The following RNFT2 variants were observed in gnomAD, a reference collection of about 807,000 sequenced individuals.
The protein encoded by RNFT2 is E3 ubiquitin-protein ligase RNFT2.
Under a neutral mutation model 53.0 loss-of-function variants are expected in RNFT2, and 36 were observed. The observed-to-expected ratio is 0.68, with a 90% CI of 0.52 to 0.90. RNFT2 has a LOEUF of 0.90. Ranked by LOEUF, RNFT2 falls within the 40% of genes least tolerant of loss-of-function variation. The pLI, the probability that RNFT2 is intolerant of heterozygous loss-of-function variation, is 0.00. For synonymous variants in RNFT2, 260 were observed against 253.2 expected (o/e 1.03, Z -0.26); for missense variants, 514 against 585.6 (o/e 0.88, Z 1.26).
intron 6 of RNFT2, among the ~76,000 whole-genome samples, chr12:116,776,448 A>T (rs1000856281): frequency 1.1e-4 from 17 of 152,184 alleles, no homozygotes; most frequent in Non-Finnish European, 2.5e-4. Context: ...AGAGCTAAAG[A>T]CGGGAGCTCA....
chr12:116,779,823 C>T (rs1484736062), intron 7 of RNFT2, among the ~76,000 whole-genome samples: 1 of 152,070 alleles, frequency 6.6e-6, no homozygotes, highest in Non-Finnish European at 1.5e-5. Flanking sequence ...GGAGTGAGGG[C>T]AATGATGCTT....
Position 116,778,028 on chromosome 12 carries a change from C to T in RNFT2, c.729-1167C>T, listed in dbSNP as rs921671567. ...TGAGCAAAGAGCTTAGCACAGTTCC[C>T]GGCACATCAGCTTCCCCCGCTCCTT... On this transcript the variant is annotated intron_variant, in intron 6 of 10. Transcript: ENST00000257575. Among the ~76,000 whole-genome samples the T allele has an allele frequency of 5.9e-5, 9 of 152,166 alleles. No homozygotes were observed. The South Asian group carries it at 6.2e-4, about 11-fold the overall frequency.
chr12:116,839,099 G>A (rs1337288401), intron 10 of RNFT2, among the ~76,000 whole-genome samples: 2 of 152,312 alleles, frequency 1.3e-5, no homozygotes, highest in Admixed American at 6.5e-5. Flanking sequence ...GACTAGTCAC[G>A]TCCCTGGCTA....
intron 3 of RNFT2, among the ~76,000 whole-genome samples, chr12:116,743,819 C>T (rs1290661248): frequency 1.3e-5 from 2 of 152,224 alleles, no homozygotes; most frequent in Non-Finnish European, 2.9e-5. Context: ...GGGAAGAACA[C>T]GGGGCTCAGC....
intron 7 of RNFT2, among the ~76,000 whole-genome samples, chr12:116,816,120 C>T (rs909170224): frequency 5.3e-5 from 8 of 152,164 alleles, no homozygotes; most frequent in Admixed American, 2.6e-4. Flanking sequence ...GGGAAGAGAA[C>T]GCCTTTTCGT....
At chr12:116,763,523 C>T (rs981205612) in intron 5 of RNFT2, among the ~76,000 whole-genome samples, 6 of 151,872 alleles carry the variant, frequency 4.0e-5, no homozygotes, top group Non-Finnish European at 7.4e-5. Flanking sequence ...AATCCCAGCA[C>T]TTTGGGAGGC....
chr12:116,740,758 C>T, intron 2 of RNFT2: 1 of 628,114 alleles, frequency 1.6e-6, no homozygotes, highest in Non-Finnish European at 2.9e-6. Context: ...CTCTTGGCTG[C>T]ACAGTTTACC....
chr12:116,777,928 T>C (rs1046205696), intron 6 of RNFT2, among the ~76,000 whole-genome samples: 1 of 152,148 alleles, frequency 6.6e-6, no homozygotes, highest in African/African-American at 2.4e-5. Flanking sequence ...TCTCCAAGCC[T>C]CAGTGCCTTA....
chr12:116,787,946 A>T (rs1296098859), intron 7 of RNFT2, among the ~76,000 whole-genome samples: 1 of 151,946 alleles, frequency 6.6e-6, no homozygotes, highest in East Asian at 1.9e-4. Flanking sequence ...GTTTGTTTTG[A>T]GATGGAGTGT....
At chr12:116,846,769 T>C (rs1438222678) in intron 10 of RNFT2, among the ~76,000 whole-genome samples, 1 of 151,382 alleles carries the variant, frequency 6.6e-6, no homozygotes, top group East Asian at 1.9e-4. Flanking sequence ...TTGACATCAA[T>C]TTTTTTTTCC....
At chr12:116,840,169 T>C (rs912163005) in intron 10 of RNFT2, among the ~76,000 whole-genome samples, 3 of 152,238 alleles carry the variant, frequency 2.0e-5, no homozygotes, top group Non-Finnish European at 4.4e-5. Flanking sequence ...GTTTTTTGCA[T>C]GTTTTATGAT....
At chr12:116,765,916 G>A (rs78026573) in intron 5 of RNFT2, among the ~76,000 whole-genome samples, 1 of 152,104 alleles carries the variant, frequency 6.6e-6, no homozygotes, top group Non-Finnish European at 1.5e-5. Flanking sequence ...CTTCTGCTGG[G>A]TTGTAAACTC....
At chr12:116,780,300 A>G (rs903098393) in intron 7 of RNFT2, among the ~76,000 whole-genome samples, 3 of 152,190 alleles carry the variant, frequency 2.0e-5, no homozygotes, top group African/African-American at 4.8e-5. Flanking sequence ...TCCACAGATC[A>G]GGGTGGGGAT....
intron 7 of RNFT2, among the ~76,000 whole-genome samples, chr12:116,798,203 G>A (rs1367655631): frequency 6.7e-6 from 1 of 149,668 alleles, no homozygotes; most frequent in Admixed American, 6.6e-5. Context: ...AGAGGCCTGG[G>A]AAACAGAACG....
At chr12:116,753,148 C>CTTTTTTTTTTTTTTTTTTTTTTT (rs11377177) in intron 4 of RNFT2, among the ~76,000 whole-genome samples, 3 of 93,700 alleles carry the variant, frequency 3.2e-5, no homozygotes, top group African/African-American at 4.4e-5. Flanking sequence ...TTTTCTTTTT[C>CTTTTTTTTTTTTTTTTTTTTTTT]TTTTTTTTTT....
chr12:116,852,863 G>C lies in RNFT2; in HGVS notation c.*3415G>C, dbSNP rs1034500161. 1 of 704,974 alleles carries C rather than the reference G, an allele frequency of 1.4e-6. No individual in the cohort carries two copies. Among genetic ancestry groups the C allele is most frequent in the African/African-American group, 1.8e-5 (1 of 56,010 alleles). The allele number at this position is 704,974 out of a possible 1,614,324, so 43.7% of individuals were successfully genotyped here. A position where few individuals can be genotyped will look rare whatever the true frequency, so the allele number is the denominator to read the frequency against. ...TGGAACCAAGGAAACTAACAATGTA[G>C]GTTACTAGTGAATACCCCAATGGTT... On this transcript the variant is annotated 3_prime_UTR_variant, in exon 11 of 11. Transcript: ENST00000257575.
chr12:116,826,718 C>T (rs1447754674), intron 7 of RNFT2, among the ~76,000 whole-genome samples: 1 of 152,122 alleles, frequency 6.6e-6, no homozygotes, highest in Non-Finnish European at 1.5e-5. Context: ...CAACTCTCCT[C>T]CATCAGCAAA....
intron 4 of RNFT2, among the ~76,000 whole-genome samples, chr12:116,752,910 A>C (rs528238089): frequency 6.6e-6 from 1 of 152,136 alleles, no homozygotes. Flanking sequence ...CAGGTGAAAG[A>C]GGAATCCTGT....
At chr12:116,806,427 T>G (rs1298132325) in intron 7 of RNFT2, among the ~76,000 whole-genome samples, 1 of 151,250 alleles carries the variant, frequency 6.6e-6, no homozygotes, top group Non-Finnish European at 1.5e-5. Context: ...GATAGATAGA[T>G]AGATTCATCT....
Sources: gnomAD v4.1 joint callset for allele counts (sites outside exome capture counted in the v4.1 genomes callset) on GRCh38, gnomAD v4.1.1 for gene constraint, MANE v1.5 for transcripts, NCBI Gene and HGNC (gene_info 2026-07-23, HGNC 2026-07-21) for gene names.